EYS: variants seen among roughly 807,000 people sequenced by gnomAD.
EYS encodes protein eyes shut homolog.
A neutral mutation model predicts 282.1 loss-of-function variants in EYS; 250 were observed. That is an observed-to-expected ratio of 0.89 (90% CI 0.80 to 0.98). The LOEUF (loss-of-function observed/expected upper bound fraction) is 0.98. Ranked by LOEUF, EYS falls within the 50% of genes least tolerant of loss-of-function variation. The pLI, the probability that EYS is intolerant of heterozygous loss-of-function variation, is 0.00. For synonymous variants in EYS, 1,355 were observed against 1,282.9 expected (o/e 1.06, Z -1.20); for missense variants, 4,016 against 3,709.0 (o/e 1.08, Z -2.15).
chr6:65,370,126 AT>A (rs151019954), intron 8 of EYS, among the ~76,000 whole-genome samples: 6,419 of 151,596 alleles, frequency 0.042, 453 homozygotes, highest in African/African-American at 0.14. Context: ...AGATTTTGCA[AT>A]TTTGTGTATA....
At chr6:64,409,441 A>G (rs998373054) in intron 28 of EYS, among the ~76,000 whole-genome samples, 5 of 152,218 alleles carry the variant, frequency 3.3e-5, no homozygotes, top group Non-Finnish European at 7.3e-5. Context: ...TAAACTAAAG[A>G]GCTTCTACAT....
At chr6:63,902,133 A>T (rs927122090) in intron 35 of EYS, among the ~76,000 whole-genome samples, 3 of 152,018 alleles carry the variant, frequency 2.0e-5, no homozygotes, top group African/African-American at 7.3e-5. Flanking sequence ...TCCTCAAATG[A>T]TCTTCCTGTC....
chr6:64,678,982 CA>C (rs71551600), intron 22 of EYS, among the ~76,000 whole-genome samples: 1,496 of 80,850 alleles, frequency 0.019, 10 homozygotes, highest in Middle Eastern at 0.032. Context: ...GACTCCCTCT[CA>C]AAAAAAAAAA....
intron 26 of EYS, among the ~76,000 whole-genome samples, chr6:64,464,189 G>A (rs1194526239): frequency 1.3e-5 from 2 of 152,010 alleles, no homozygotes; most frequent in Non-Finnish European, 2.9e-5. Flanking sequence ...CAGAACAAAG[G>A]ACAAAAATCA....
intron 29 of EYS, among the ~76,000 whole-genome samples, chr6:64,354,533 A>G (rs1471414937): frequency 6.6e-6 from 1 of 151,632 alleles, no homozygotes; most frequent in Admixed American, 6.6e-5. Flanking sequence ...CACAATCCAC[A>G]ATACATGATA....
intron 31 of EYS, among the ~76,000 whole-genome samples, chr6:64,103,409 C>T (rs1772900524): frequency 6.6e-6 from 1 of 152,174 alleles, no homozygotes; most frequent in African/African-American, 2.4e-5. Context: ...AGAATTTCCA[C>T]TCTAACTGGG....
At chr6:64,201,264 G>A (rs914284543) in intron 31 of EYS, among the ~76,000 whole-genome samples, 1 of 151,848 alleles carries the variant, frequency 6.6e-6, no homozygotes. Flanking sequence ...AGTATAATTA[G>A]AAACACTTCC....
intron 29 of EYS, among the ~76,000 whole-genome samples, chr6:64,314,194 CAAAAAAAAAA>C (rs138447983): frequency 7.2e-5 from 2 of 27,676 alleles, no homozygotes; most frequent in South Asian, 2.6e-3. Flanking sequence ...AAATGGAAAG[CAAAAAAAAAA>C]AAAAAAAAAA....
At chr6:64,322,350 A>G (rs946554343) in intron 29 of EYS, among the ~76,000 whole-genome samples, 5 of 152,062 alleles carry the variant, frequency 3.3e-5, no homozygotes, top group African/African-American at 9.7e-5. Flanking sequence ...AAACCCAGAT[A>G]AAGTTCAGTT....
intron 36 of EYS, among the ~76,000 whole-genome samples, chr6:63,859,844 A>G (rs2149707697): frequency 6.6e-6 from 1 of 152,294 alleles, no homozygotes; most frequent in South Asian, 2.1e-4. Flanking sequence ...AATATCAACA[A>G]GGTAGGAAAT....
chr6:64,240,963 G>A (rs544682295), intron 30 of EYS, among the ~76,000 whole-genome samples: 1 of 152,090 alleles, frequency 6.6e-6, no homozygotes, highest in African/African-American at 2.4e-5. Flanking sequence ...TAGCCTGAAG[G>A]CCTGCTGAAT....
chr6:64,010,396 G>C (rs1201611750), intron 33 of EYS, among the ~76,000 whole-genome samples: 4 of 150,668 alleles, frequency 2.7e-5, no homozygotes, highest in African/African-American at 7.4e-5. Context: ...GTTTGGTTGG[G>C]GGGGGGGGTG....
intron 12 of EYS, among the ~76,000 whole-genome samples, chr6:65,202,599 C>T (rs1304132184): frequency 6.6e-6 from 1 of 152,128 alleles, no homozygotes; most frequent in Non-Finnish European, 1.5e-5. Context: ...GAGGAGTCCA[C>T]ACTGTCAAAA....
chr6:64,719,038 C>T (rs1268453678), intron 22 of EYS, among the ~76,000 whole-genome samples: 1 of 152,184 alleles, frequency 6.6e-6, no homozygotes, highest in Admixed American at 6.5e-5. Flanking sequence ...CAGAAAGATG[C>T]AGCAGAGGAA....
chr6:65,381,863 A>G (rs889807016), intron 8 of EYS, among the ~76,000 whole-genome samples: 1 of 152,032 alleles, frequency 6.6e-6, no homozygotes. Context: ...TTTAAAAATC[A>G]GAATTTTATG....
chr6:64,156,320 T>G (rs761966423), intron 31 of EYS, among the ~76,000 whole-genome samples: 2 of 152,134 alleles, frequency 1.3e-5, no homozygotes, highest in Non-Finnish European at 2.9e-5. Flanking sequence ...AGAAGTGCCT[T>G]TCACCTCCCA....
In EYS at chr6:65,352,272, G is replaced by T. The variant is rs536628796; in HGVS notation, c.1459+1186C>A. On this transcript the variant is annotated intron_variant, in intron 9 of 42. Transcript: ENST00000503581. ...GTAATACAATGTTAGAAATTCAGCT[G>T]CTGTTGGTTAGCTGTTACTCAAAAA... Among the ~76,000 whole-genome samples the T allele has an allele frequency of 2.0e-5, 3 of 151,988 alleles. No homozygotes were observed. The South Asian group carries it at 6.2e-4, about 31-fold the overall frequency.
At position 64,813,751 on chromosome 6, in the gene EYS, T is replaced by G. The variant is rs758314527; in HGVS notation, c.3244-174A>C. On this transcript the variant is annotated intron_variant, in intron 21 of 42. Transcript: ENST00000503581. ...ATGACAGTAAGCGGTTTTTTACCTT[T>G]TATTACCAGAAAGACTGTCAAATAT... is the stretch of plus-strand genomic sequence containing the variant. Among the ~76,000 whole-genome samples the G allele has an allele frequency of 2.6e-4, 40 of 152,042 alleles. 1 individual carries two copies. Among genetic ancestry groups the G allele is most frequent in the Admixed American group, 1.4e-3 (21 of 15,224 alleles).
chr6:65,369,287 T>TATATATATATTTATGTATAATATATATA (rs1765036718), intron 8 of EYS, among the ~76,000 whole-genome samples: 1 of 128,692 alleles, frequency 7.8e-6, no homozygotes, highest in Non-Finnish European at 1.6e-5. Flanking sequence ...TTATATATAT[T>TATATATATATTTATGTATAATATATATA]ATATATATAT....
Sources: allele counts gnomAD v4.1 joint callset (sites outside exome capture counted in the v4.1 genomes callset), GRCh38; gene constraint gnomAD v4.1.1; transcripts MANE v1.5; gene names NCBI Gene and HGNC (gene_info 2026-07-23, HGNC 2026-07-21).